Variants in SORCS1 observed in about 807,000 individuals in gnomAD.
SORCS1 encodes the protein VPS10 domain-containing receptor SorCS1.
SORCS1 carries 60 observed loss-of-function variants against 146.1 expected under a neutral mutation model. That is an observed-to-expected ratio of 0.41 (90% confidence interval 0.33 to 0.51). The LOEUF (loss-of-function observed/expected upper bound fraction) is 0.51, where lower values mean the gene tolerates loss of function less well. Among genes scored for constraint, SORCS1 ranks in the 20% least tolerant of loss-of-function variants. The probability of loss-of-function intolerance (pLI) is 0.21; values close to 1 mark genes in which losing one functional copy is unlikely to be tolerated. For missense variants in SORCS1, 1,352 were observed against 1,487.6 expected, an observed-to-expected ratio of 0.91 and a Z score of 1.50; for synonymous variants, 637 against 584.0, an observed-to-expected ratio of 1.09 and a Z score of -1.31.
chr10:107,039,373 T>C (rs1673034792), intron 1 of SORCS1, among the ~76,000 whole-genome samples: 1 of 150,426 alleles, frequency 6.6e-6, no homozygotes, highest in African/African-American at 2.4e-5. Flanking sequence ...TCTGAAAGTA[T>C]GCCAAACTAA....
intron 2 of SORCS1, among the ~76,000 whole-genome samples, chr10:106,955,329 C>A (rs950493380): frequency 6.6e-6 from 1 of 152,256 alleles, no homozygotes; most frequent in Non-Finnish European, 1.5e-5. Flanking sequence ...ACACCTGGTC[C>A]AGCCACAGCC....
chr10:106,736,965 G>A (rs2756245), intron 5 of SORCS1, among the ~76,000 whole-genome samples: 118,242 of 151,916 alleles, frequency 0.78, 46,975 homozygotes, highest in Non-Finnish European at 0.87. Context: ...GGCCCTCCAC[G>A]TGCTGCATTT....
intron 1 of SORCS1, among the ~76,000 whole-genome samples, chr10:107,077,461 G>GTT (rs529656101): frequency 2.1e-5 from 3 of 145,432 alleles, no homozygotes; most frequent in African/African-American, 7.6e-5. Flanking sequence ...ATTTTTCTGT[G>GTT]TTTTTTTTTT....
rs1325409417 is a variant in SORCS1, at chr10:106,688,204, C to T, written c.1548G>A (p.Val516=). The T allele has an allele frequency of 3.7e-6, 6 of 1,613,580 alleles. No individual in the cohort carries two copies. The South Asian group carries it at 4.4e-5, about 12-fold the overall frequency. The change falls in exon 10 of 26, where the codon GTG becomes GTA. Residue 516 remains valine, a synonymous_variant. Transcript: ENST00000263054. ...TAGGAAGACTCACCAGCAAGCAGTG[C>T]ACGGGGTCCCCCCTTAGATCCGTGT... ...APDTDLRGDP[V]HCLLPYCSLH...
intron 3 of SORCS1, among the ~76,000 whole-genome samples, chr10:106,801,016 A>G (rs2136641476): frequency 6.6e-6 from 1 of 152,314 alleles, no homozygotes; most frequent in South Asian, 2.1e-4. Context: ...TGGAATATCA[A>G]TACCACACAC....
chr10:106,970,800 G>A (rs898209023), intron 1 of SORCS1, among the ~76,000 whole-genome samples: 10 of 151,512 alleles, frequency 6.6e-5, no homozygotes, highest in Non-Finnish European at 1.2e-4. Context: ...GTGCAATGGC[G>A]TGACCCCAGC....
intron 2 of SORCS1, among the ~76,000 whole-genome samples, chr10:106,923,106 G>T (rs1210101896): frequency 6.6e-6 from 1 of 152,094 alleles, no homozygotes; most frequent in Admixed American, 6.5e-5. Context: ...GGCCAGGATG[G>T]TCTCGATCTC....
chr10:107,031,465 C>T (rs1796281275), intron 1 of SORCS1, among the ~76,000 whole-genome samples: 1 of 148,778 alleles, frequency 6.7e-6, no homozygotes, highest in Admixed American at 6.6e-5. Context: ...CATCACTTGG[C>T]AAACCGCCTT....
chr10:107,038,059 G>A (rs987684473), intron 1 of SORCS1, among the ~76,000 whole-genome samples: 9 of 152,160 alleles, frequency 5.9e-5, no homozygotes, highest in Non-Finnish European at 1.3e-4. Context: ...CTGGCCTCAG[G>A]TGATCTGCCC....
intron 1 of SORCS1, among the ~76,000 whole-genome samples, chr10:107,150,335 C>T (rs1042342537): frequency 3.9e-5 from 6 of 152,130 alleles, no homozygotes; most frequent in African/African-American, 7.2e-5. Context: ...AACATCAGTC[C>T]GACTTCCAAA....
chr10:106,622,135 C>T (rs1847788243), intron 19 of SORCS1, among the ~76,000 whole-genome samples: 2 of 151,530 alleles, frequency 1.3e-5, no homozygotes, highest in African/African-American at 4.9e-5. Context: ...ACTATAAATG[C>T]AAAAATTAGC....
intron 3 of SORCS1, among the ~76,000 whole-genome samples, chr10:106,797,090 G>C (rs1946605913): frequency 6.6e-6 from 1 of 152,148 alleles, no homozygotes; most frequent in South Asian, 2.1e-4. Context: ...ATGGGCGACA[G>C]AGCAAGACTC....
the SORCS1 span, among the ~76,000 whole-genome samples, chr10:107,173,135 A>G: frequency 6.6e-6 from 1 of 152,062 alleles, no homozygotes; most frequent in Admixed American, 6.5e-5. Context: ...CAAAAGTAAT[A>G]CCTCTTCTGA....
intron 23 of SORCS1, among the ~76,000 whole-genome samples, chr10:106,599,437 G>T (rs1228098320): frequency 1.3e-5 from 2 of 151,738 alleles, no homozygotes; most frequent in East Asian, 1.9e-4. Context: ...TGGAGAAGTG[G>T]ATTTCTAACA....
intron 1 of SORCS1, among the ~76,000 whole-genome samples, chr10:106,963,011 G>C (rs893629326): frequency 6.6e-6 from 1 of 151,808 alleles, no homozygotes; most frequent in Non-Finnish European, 1.5e-5. Context: ...AAGCAAATAT[G>C]GGGGAAGAGA....
chr10:106,848,946 G>A (rs903720946), intron 2 of SORCS1, among the ~76,000 whole-genome samples: 65 of 150,474 alleles, frequency 4.3e-4, no homozygotes, highest in Admixed American at 2.2e-3. Flanking sequence ...GGTTTCTGCC[G>A]AGAGATCCGC....
At chr10:107,172,174 C>A in the SORCS1 span, among the ~76,000 whole-genome samples, 9 of 152,192 alleles carry the variant, frequency 5.9e-5, no homozygotes, top group African/African-American at 2.2e-4. Context: ...CATCTCTCAT[C>A]CAACTCACTG....
At chr10:106,643,007 C>A (rs1485319513) in intron 18 of SORCS1, among the ~76,000 whole-genome samples, 1 of 152,146 alleles carries the variant, frequency 6.6e-6, no homozygotes, top group Non-Finnish European at 1.5e-5. Flanking sequence ...ATAATCCCAG[C>A]CGTGGGTTTC....
chr10:106,887,790 A>G (rs1951057571), intron 2 of SORCS1, among the ~76,000 whole-genome samples: 1 of 152,184 alleles, frequency 6.6e-6, no homozygotes, highest in Admixed American at 6.5e-5. Context: ...TAATGTTTAC[A>G]TGACTATTAT....
Sources: gnomAD v4.1 joint callset for allele counts (sites outside exome capture counted in the v4.1 genomes callset) on GRCh38, gnomAD v4.1.1 for gene constraint, MANE v1.5 for transcripts, NCBI Gene and HGNC (gene_info 2026-07-23, HGNC 2026-07-21) for gene names.